The following COL14A1 variants were observed in gnomAD, a reference collection of about 807,000 sequenced individuals.
COL14A1 encodes collagen alpha-1(XIV) chain.
COL14A1 carries 136 observed loss-of-function variants against 230.3 expected under a neutral mutation model. The ratio of observed to expected loss-of-function variants is 0.59; its 90% CI spans 0.51 to 0.68. The LOEUF (loss-of-function observed/expected upper bound fraction) is 0.68, where lower values mean the gene tolerates loss of function less well. Ranked by LOEUF, COL14A1 falls within the 30% of genes least tolerant of loss-of-function variation. The pLI is 0.00. For missense variants in COL14A1, 1,976 were observed against 2,215.8 expected (o/e 0.89, Z 2.17); for synonymous variants, 792 against 784.1 (o/e 1.01, Z -0.17).
At chr8:120,287,165 G>A (rs1820228530) in intron 33 of COL14A1, among the ~76,000 whole-genome samples, 1 of 151,768 alleles carries the variant, frequency 6.6e-6, no homozygotes, top group Admixed American at 6.6e-5. Context: ...TACTTTCTGT[G>A]GTTTTGAATA....
At chr8:120,171,127 C>T (rs1386478869) in intron 5 of COL14A1, among the ~76,000 whole-genome samples, 1 of 152,050 alleles carries the variant, frequency 6.6e-6, no homozygotes, top group Non-Finnish European at 1.5e-5. Context: ...TTAGCACTTA[C>T]TGACCTGGAA....
chr8:120,285,917 G>T lies in COL14A1; in HGVS notation c.4024G>T (p.Val1342Phe), dbSNP rs17833992. 1 of 1,606,698 alleles carries T rather than the reference G, an allele frequency of 6.2e-7. No individual in the cohort carries two copies. The highest frequency in any genetic ancestry group is 1.3e-5 in the African/African-American group (1 of 74,670). ...TGACCAGAGTGGGGATTTTCAAACT[G>T]TTACTTTCGAAGGACCTGAAATTAG... The part of the protein sequence containing the change: ...NYDQSGDFQT[V>F]TFEGPEIRKI... The change falls in exon 33 of 48, where the codon GTT becomes TTT. Residue 1342 changes from valine (V) to phenylalanine (F), a missense_variant. By Grantham distance (50) the Val-to-Phe change is conservative (BLOSUM62 -1). Around this residue, in one of 3 missense-constraint regions of COL14A1, gnomAD observed 1,791 missense variants for 2,019.5 expected, o/e 0.89. Transcript: ENST00000297848.
chr8:120,354,601 G>GTC (rs1247532640), intron 45 of COL14A1, among the ~76,000 whole-genome samples: 1 of 152,052 alleles, frequency 6.6e-6, no homozygotes, highest in African/African-American at 2.4e-5. Flanking sequence ...CCATCTGATT[G>GTC]TCTCTCTCTT....
chr8:120,268,133 C>A (rs1244576201), intron 25 of COL14A1, among the ~76,000 whole-genome samples: 2 of 151,794 alleles, frequency 1.3e-5, no homozygotes, highest in African/African-American at 4.8e-5. Context: ...ACAAATCAAT[C>A]TACTTTGCAG....
At chr8:120,360,898 C>T (rs567918868) in intron 45 of COL14A1, among the ~76,000 whole-genome samples, 2 of 152,236 alleles carry the variant, frequency 1.3e-5, no homozygotes, top group Non-Finnish European at 2.9e-5. Flanking sequence ...CAATGGAAAG[C>T]ATTGAGGAAG....
At position 120,308,096 on chromosome 8, in the gene COL14A1, C is replaced by T. The variant is rs184639000; in HGVS notation, c.4402-1913C>T. ...TCCTGGGTTTAAGCGATTCTCCTGC[C>T]TCAACCTCCCAAATAGCTGGGATTG... On this transcript the variant is annotated intron_variant, in intron 36 of 47. Coordinates refer to ENST00000297848, the MANE Select transcript of COL14A1 (RefSeq NM_021110.4). Among the ~76,000 whole-genome samples, 242 of 152,332 alleles carry T rather than the reference C, an allele frequency of 1.6e-3. 1 individual carries two copies. Among genetic ancestry groups the T allele is most frequent in the Non-Finnish European group, 9.0e-4 (61 of 68,032 alleles).
At chr8:120,270,347 G>A (rs1454232821) in intron 26 of COL14A1, among the ~76,000 whole-genome samples, 173 bp downstream of exon 26, 1 of 151,716 alleles carries the variant, frequency 6.6e-6, no homozygotes, top group Non-Finnish European at 1.5e-5. Flanking sequence ...GCCTGGCAAA[G>A]CTCCAGAGGA....
intron 45 of COL14A1, among the ~76,000 whole-genome samples, chr8:120,346,620 T>C (rs564169094): frequency 6.6e-6 from 1 of 152,354 alleles, no homozygotes; most frequent in East Asian, 1.9e-4. Context: ...CACATTGTTT[T>C]CCCTCTTTGG....
At position 120,371,323 on chromosome 8, in the gene COL14A1, G is replaced by A; in HGVS notation, c.*92G>A. On this transcript the variant is annotated 3_prime_UTR_variant, in exon 48 of 48. Transcript: ENST00000297848. ...GTTATGTGGTTTGTATGCTACTTTT[G>A]GGGGGCAGGGCTCATTTCAGCAGCC... 1 of 890,810 alleles carries A rather than the reference G, an allele frequency of 1.1e-6. No individual in the cohort carries two copies. Among genetic ancestry groups the A allele is most frequent in the Non-Finnish European group, 1.7e-6 (1 of 576,838 alleles). 55.2% of individuals were successfully genotyped at this position (890,810 alleles called of 1,614,324 possible).
intron 45 of COL14A1, among the ~76,000 whole-genome samples, chr8:120,360,681 T>C (rs1157044338): frequency 6.6e-6 from 1 of 152,220 alleles, no homozygotes. Context: ...TGTTTTCACA[T>C]TGCATTATAA....
At chr8:120,296,805 G>T (rs1235886831) in intron 34 of COL14A1, among the ~76,000 whole-genome samples, 1 of 151,912 alleles carries the variant, frequency 6.6e-6, no homozygotes, top group East Asian at 1.9e-4. Flanking sequence ...CATGATCAAT[G>T]GCTTAAATAA....
intron 1 of COL14A1, among the ~76,000 whole-genome samples, chr8:120,145,571 C>T (rs1489848872): frequency 6.6e-6 from 1 of 152,086 alleles, no homozygotes; most frequent in Non-Finnish European, 1.5e-5. Context: ...GTGAGCAGAT[C>T]GCACCGTTGC....
At chr8:120,192,514 A>G (rs1161978259) in intron 5 of COL14A1, among the ~76,000 whole-genome samples, 1 of 152,034 alleles carries the variant, frequency 6.6e-6, no homozygotes, top group African/African-American at 2.4e-5. Context: ...GAATCTGACA[A>G]TTATGTATCT....
intron 1 of COL14A1, among the ~76,000 whole-genome samples, chr8:120,136,571 T>C (rs1814713503): frequency 6.6e-6 from 1 of 152,148 alleles, no homozygotes; most frequent in South Asian, 2.1e-4. Flanking sequence ...CATTGTTAAA[T>C]GCTATTTGAT....
At chr8:120,240,007 AT>A (rs1372606968) in intron 19 of COL14A1, among the ~76,000 whole-genome samples, 1 of 151,730 alleles carries the variant, frequency 6.6e-6, no homozygotes, top group Non-Finnish European at 1.5e-5. Flanking sequence ...TCTCTAGATA[AT>A]TTTTCCTTTT....
At chr8:120,134,879 G>A (rs1008225290) in intron 1 of COL14A1, among the ~76,000 whole-genome samples, 2 of 152,226 alleles carry the variant, frequency 1.3e-5, no homozygotes, top group Non-Finnish European at 2.9e-5. Flanking sequence ...GGAGGCTGAG[G>A]CATGAGAATT....
intron 2 of COL14A1, among the ~76,000 whole-genome samples, chr8:120,149,627 G>A (rs546904169): frequency 3.9e-5 from 6 of 152,030 alleles, no homozygotes; most frequent in African/African-American, 7.2e-5. Flanking sequence ...TAGCTCTTAC[G>A]GGATACTTTC....
At chr8:120,266,112 T>A (rs993114590) in intron 24 of COL14A1, among the ~76,000 whole-genome samples, 2 of 152,044 alleles carry the variant, frequency 1.3e-5, no homozygotes, top group Non-Finnish European at 2.9e-5. Flanking sequence ...CGTAATAACA[T>A]CGTATTTTAT....
At chr8:120,257,562 T>C (rs1819195989) in intron 23 of COL14A1, among the ~76,000 whole-genome samples, 1 of 152,182 alleles carries the variant, frequency 6.6e-6, no homozygotes, top group African/African-American at 2.4e-5. Context: ...TGAGTTTCAT[T>C]ATCTTATAGG....
Sources: allele counts gnomAD v4.1 joint callset (sites outside exome capture counted in the v4.1 genomes callset), GRCh38; gene constraint gnomAD v4.1.1; regional missense constraint gnomAD v4.1.1; transcripts MANE v1.5; gene names NCBI Gene and HGNC (gene_info 2026-07-23, HGNC 2026-07-21).